The following PCDHA5 variants were observed in gnomAD, a reference collection of about 807,000 sequenced individuals.
The protein encoded by PCDHA5 is protocadherin alpha-5.
Under a neutral mutation model 61.6 loss-of-function variants are expected in PCDHA5, and 43 were observed. The ratio of observed to expected loss-of-function variants is 0.70; its 90% confidence interval spans 0.55 to 0.90. The LOEUF is 0.90. Ranked by LOEUF, PCDHA5 falls within the 40% of genes least tolerant of loss-of-function variation. The pLI is 0.00. For synonymous variants in PCDHA5, 627 were observed against 543.9 expected (o/e 1.15, Z -2.13); for missense variants, 1,298 against 1,222.7 (o/e 1.06, Z -0.92).
chr5:141,007,517 G>A (rs2098333696), intron 3 of PCDHA5, among the ~76,000 whole-genome samples: 1 of 151,984 alleles, frequency 6.6e-6, no homozygotes, highest in African/African-American at 2.4e-5. Flanking sequence ...GCAGTGAGCT[G>A]ATATCTCGCC....
intron 1 of PCDHA5, 141 bp downstream of exon 1, chr5:140,824,268 T>C: frequency 8.2e-7 from 1 of 1,223,618 alleles, no homozygotes; most frequent in Non-Finnish European, 1.2e-6. Context: ...CTAATTCATG[T>C]ATTATATGCT....
intron 3 of PCDHA5, among the ~76,000 whole-genome samples, chr5:140,994,381 C>T (rs1339661887): frequency 6.6e-6 from 1 of 152,086 alleles, no homozygotes; most frequent in East Asian, 1.9e-4. Context: ...ATTCAGGGGA[C>T]TAAGTCAGAG....
chr5:140,863,615 T>A (rs1290782399), intron 1 of PCDHA5: 16 of 339,092 alleles, frequency 4.7e-5, no homozygotes, highest in Non-Finnish European at 8.7e-5. Context: ...ATGTCCCTCA[T>A]AGTGACATTG....
chr5:140,927,317 G>A lies in PCDHA5; in HGVS notation c.2353-51632G>A, dbSNP rs782172424. ...CCCGAGTTCCTGACGCCCGGAGCCCGCTTTACTCTCCCGAATGCCCAAGAT... is the reference window on the plus strand; with the variant it reads ...CCCGAGTTCCTGACGCCCGGAGCCCACTTTACTCTCCCGAATGCCCAAGAT... On this transcript the variant is annotated intron_variant, in intron 1 of 3. Coordinates refer to ENST00000529859, the MANE Select transcript of PCDHA5 (RefSeq NM_018908.3). 3.2e-5 allele frequency: 52 copies of A among 1,614,146 alleles called. 1 individual carries two copies. The South Asian group carries it at 5.2e-4, about 16-fold the overall frequency.
chr5:140,841,274 C>A, intron 1 of PCDHA5: 1 of 1,518,266 alleles, frequency 6.6e-7, no homozygotes. Flanking sequence ...TACAGTCGTT[C>A]ATCTTTATAT....
intron 1 of PCDHA5, among the ~76,000 whole-genome samples, chr5:140,902,482 C>T (rs1554190466): frequency 1.3e-5 from 2 of 152,086 alleles, no homozygotes; most frequent in Non-Finnish European, 2.9e-5. Context: ...TTTGCCTGCT[C>T]AGTATGATAC....
intron 1 of PCDHA5, among the ~76,000 whole-genome samples, chr5:140,888,838 A>G (rs2061999996): frequency 6.6e-6 from 1 of 152,078 alleles, no homozygotes; most frequent in East Asian, 1.9e-4. Flanking sequence ...ACTCCACTGC[A>G]GCCTGGTGAC....
chr5:140,925,409 G>T (rs2082484194), intron 1 of PCDHA5, among the ~76,000 whole-genome samples: 1 of 152,078 alleles, frequency 6.6e-6, no homozygotes, highest in Admixed American at 6.5e-5. Flanking sequence ...CCTTCTTAGG[G>T]AAAGGAACTG....
intron 1 of PCDHA5, among the ~76,000 whole-genome samples, chr5:140,953,839 A>G (rs2094940958): frequency 6.6e-6 from 1 of 152,192 alleles, no homozygotes; most frequent in African/African-American, 2.4e-5. Flanking sequence ...TTTGTTACCC[A>G]GGTAAACATG....
chr5:140,882,927 C>A, intron 1 of PCDHA5: 1 of 1,614,104 alleles, frequency 6.2e-7, no homozygotes. Context: ...GGAGGTAAAC[C>A]CGAGCTGACT....
chr5:140,877,087 G>C lies in PCDHA5; in HGVS notation c.2352+52960G>C. On this transcript the variant is annotated intron_variant, in intron 1 of 3. Transcript: ENST00000529859. ...GCTGCAGTTCCAGGTGAGCGCGCGC[G>C]ACGCCGGCGTGCCGCCTCTGGGCAG... 2.5e-6 allele frequency: 4 copies of C among 1,613,212 alleles called. No homozygotes were observed. The South Asian group carries it at 3.3e-5, about 13-fold the overall frequency.
chr5:140,824,488 C>A (rs1768136874), intron 1 of PCDHA5: 2 of 355,752 alleles, frequency 5.6e-6, no homozygotes, highest in East Asian at 6.0e-5. Context: ...TTTTAGAGAC[C>A]CTTTGTTGCT....
At position 140,856,102 on chromosome 5, in the gene PCDHA5, TCTC is replaced by T. The variant is rs782690525; in HGVS notation, c.2352+31979_2352+31981del. On this transcript the variant is annotated intron_variant, in intron 1 of 3. Coordinates refer to ENST00000529859, the MANE Select transcript of PCDHA5 (RefSeq NM_018908.3). Reference sequence around the variant, plus strand: ...TCCAGTGTCTGCTGCTCTCGCTTCTTCTCCTCGCAGCCTGGGAGGTGGGGAGCG... The same window carrying T: ...TCCAGTGTCTGCTGCTCTCGCTTCTTCTCGCAGCCTGGGAGGTGGGGAGCG... 5.6e-6 allele frequency: 9 copies of T among 1,597,726 alleles called. 1 individual carries two copies. The South Asian group carries it at 7.7e-5, about 14-fold the overall frequency.
At chr5:140,854,066 G>A (rs1554146981) in intron 1 of PCDHA5, 1 of 273,774 alleles carries the variant, frequency 3.7e-6, no homozygotes, top group Non-Finnish European at 5.6e-6. Context: ...GGAGGCTGAG[G>A]CGAGAGAATC....
chr5:140,877,850 A>C (rs782804856), intron 1 of PCDHA5: 1 of 1,546,004 alleles, frequency 6.5e-7, no homozygotes, highest in South Asian at 1.3e-5. Context: ...GTAAGTTATT[A>C]ATATTATTTA....
At chr5:140,915,096 C>T (rs530875134) in intron 1 of PCDHA5, among the ~76,000 whole-genome samples, 1 of 152,060 alleles carries the variant, frequency 6.6e-6, no homozygotes, top group Admixed American at 6.5e-5. Context: ...TGGGCACGCA[C>T]CACCACAACA....
At position 140,829,788 on chromosome 5, in the gene PCDHA5, T is replaced by G. The variant is rs2150174701; in HGVS notation, c.2352+5661T>G. 2.5e-6 allele frequency: 4 copies of G among 1,613,684 alleles called. No individual in the cohort carries two copies. The African/African-American group carries it at 5.3e-5, about 22-fold the overall frequency. On this transcript the variant is annotated intron_variant, in intron 1 of 3. Coordinates refer to ENST00000529859, the MANE Select transcript of PCDHA5 (RefSeq NM_018908.3). Reference sequence around the variant, plus strand: ...GAGAACGACAACGCGCCGGCGCTGCTGGCGCCTCGGGTGGGTGGTACTGGT... The same window carrying G: ...GAGAACGACAACGCGCCGGCGCTGCGGGCGCCTCGGGTGGGTGGTACTGGT...
intron 3 of PCDHA5, among the ~76,000 whole-genome samples, chr5:140,987,219 A>G (rs1340141684): frequency 6.6e-6 from 1 of 151,240 alleles, no homozygotes; most frequent in African/African-American, 2.5e-5. Flanking sequence ...ATCTCAAAAA[A>G]AAAAAAAATA....
At chr5:140,937,070 C>G (rs1363778213) in intron 1 of PCDHA5, among the ~76,000 whole-genome samples, 2 of 147,796 alleles carry the variant, frequency 1.4e-5, no homozygotes, top group Admixed American at 1.4e-4. Context: ...CGGAGTCTCG[C>G]TCTGTCGCCC....
Sources: gnomAD v4.1 joint callset for allele counts (sites outside exome capture counted in the v4.1 genomes callset) on GRCh38, gnomAD v4.1.1 for gene constraint, MANE v1.5 for transcripts, NCBI Gene and HGNC (gene_info 2026-07-23, HGNC 2026-07-21) for gene names.